Variants in TSNARE1 observed in about 807,000 individuals in gnomAD.
TSNARE1 encodes t-SNARE domain-containing protein 1.
TSNARE1 carries 49 observed loss-of-function variants against 62.0 expected under a neutral mutation model. That is an observed-to-expected ratio of 0.79 (90% CI 0.63 to 1.00). The LOEUF (loss-of-function observed/expected upper bound fraction) is 1.00. Ranked by LOEUF, TSNARE1 falls within the 50% of genes least tolerant of loss-of-function variation. TSNARE1 has a pLI of 0.00. For missense variants in TSNARE1, 755 were observed against 700.1 expected (o/e 1.08, Z -0.88); for synonymous variants, 328 against 294.4 (o/e 1.11, Z -1.17).
rs916585240 is a variant in TSNARE1 at position 142,319,224 on chromosome 8, C to T, written c.894-590G>A. Among the ~76,000 whole-genome samples, 3 of 152,102 alleles carry T rather than the reference C, an allele frequency of 2.0e-5. No homozygotes were observed. The highest frequency in any genetic ancestry group is 6.5e-5 in the Admixed American group (1 of 15,278). On this transcript the variant is annotated intron_variant, in intron 6 of 13. Transcript: ENST00000524325. This position sits in a 1 kb window ranked among gnomAD's most constrained non-coding sequence, Gnocchi z 4.9. ...CACGAGCCCTCCCTGCAGAAAGGCCCGTCTCGGGGTCAGCTCCCCTCGGAA... is the reference window on the plus strand; with the variant it reads ...CACGAGCCCTCCCTGCAGAAAGGCCTGTCTCGGGGTCAGCTCCCCTCGGAA...
chr8:142,382,681 T>C (rs948702288), intron 1 of TSNARE1, among the ~76,000 whole-genome samples: 2 of 152,196 alleles, frequency 1.3e-5, no homozygotes, highest in Admixed American at 1.3e-4. Flanking sequence ...ATGGGCCCCA[T>C]CCACTCAGGC....
intron 12 of TSNARE1, chr8:142,270,955 T>C (rs930878344): frequency 1.0e-6 from 1 of 985,368 alleles, no homozygotes; most frequent in Non-Finnish European, 1.2e-6. Flanking sequence ...ATCCTTCCGG[T>C]CTCCTGGACT....
intron 4 of TSNARE1, among the ~76,000 whole-genome samples, chr8:142,342,438 C>A (rs1239438541): frequency 1.3e-5 from 2 of 152,218 alleles, no homozygotes; most frequent in Non-Finnish European, 2.9e-5. Flanking sequence ...GGGGGCAGAT[C>A]CCAGCCAATG....
Position 142,274,053 on chromosome 8 carries a change from C to T in TSNARE1, c.1446+728G>A, listed in dbSNP as rs540648304. On this transcript the variant is annotated intron_variant, in intron 12 of 13. Transcript: ENST00000524325. ...GGCCCAGGGGCTTCTTCTGCGCTCC[C>T]ACCGTGGCCCATGCCACCCTCACCT... The T allele has an allele frequency of 3.0e-6, 3 of 985,234 alleles. No individual in the cohort carries two copies. In the East Asian group the frequency reaches 3.4e-4, roughly 112 times the overall value. The allele number at this position is 985,234 out of a possible 1,614,324, so 61.0% of individuals were successfully genotyped here. A position where few individuals can be genotyped will look rare whatever the true frequency, so the allele number is the denominator to read the frequency against.
intron 10 of TSNARE1, among the ~76,000 whole-genome samples, chr8:142,293,942 T>C (rs1365756041): frequency 6.6e-6 from 1 of 152,188 alleles, no homozygotes; most frequent in Non-Finnish European, 1.5e-5. Flanking sequence ...ACAGCCACCC[T>C]ATTCTTTATC....
chr8:142,218,652 G>A (rs1586749201), intron 13 of TSNARE1, among the ~76,000 whole-genome samples: 3 of 152,258 alleles, frequency 2.0e-5, no homozygotes, highest in South Asian at 2.1e-4. Flanking sequence ...CCCACAGGCC[G>A]ACACCCGACA....
intron 11 of TSNARE1, chr8:142,275,120 AG>A (rs1295265487): frequency 6.1e-6 from 6 of 985,302 alleles, no homozygotes; most frequent in Non-Finnish European, 7.2e-6. Context: ...CAGGTGGGGC[AG>A]GAAGAGTCCA....
intron 12 of TSNARE1, among the ~76,000 whole-genome samples, chr8:142,246,180 C>A (rs1008090105): frequency 3.3e-5 from 5 of 152,138 alleles, no homozygotes; most frequent in African/African-American, 1.2e-4. Context: ...GGCCTGTCCT[C>A]AGTGGCCAGC....
intron 4 of TSNARE1, among the ~76,000 whole-genome samples, chr8:142,341,518 C>A (rs946248862): frequency 6.6e-6 from 1 of 152,194 alleles, no homozygotes; most frequent in Non-Finnish European, 1.5e-5. Context: ...AGCCTCCAAC[C>A]CGAAGCAGAG....
At chr8:142,342,723 G>A (rs1275104118) in intron 4 of TSNARE1, among the ~76,000 whole-genome samples, 5 of 151,400 alleles carry the variant, frequency 3.3e-5, no homozygotes, top group African/African-American at 7.3e-5. Flanking sequence ...CAGACGCCAT[G>A]CCTACGCCCT....
intron 9 of TSNARE1, among the ~76,000 whole-genome samples, chr8:142,311,835 T>C (rs2131560629): frequency 6.6e-6 from 1 of 152,074 alleles, no homozygotes; most frequent in African/African-American, 2.4e-5. Flanking sequence ...CCAATCCTTT[T>C]TTCTGCTTTG....
intron 10 of TSNARE1, among the ~76,000 whole-genome samples, chr8:142,298,353 T>C (rs1454560724): frequency 6.6e-6 from 1 of 152,030 alleles, no homozygotes; most frequent in East Asian, 1.9e-4. Context: ...ACACAGAGGA[T>C]CGCGGACGGG....
At chr8:142,370,476 G>A (rs1247953976) in intron 1 of TSNARE1, among the ~76,000 whole-genome samples, 1 of 152,172 alleles carries the variant, frequency 6.6e-6, no homozygotes, top group Non-Finnish European at 1.5e-5. Context: ...GCAGGCTGAG[G>A]TGGGAGGATC....
chr8:142,367,036 G>T (rs1835597553), intron 1 of TSNARE1, among the ~76,000 whole-genome samples: 1 of 150,344 alleles, frequency 6.7e-6, no homozygotes, highest in Admixed American at 6.6e-5. Flanking sequence ...GAAAAATATA[G>T]TATACCTAGG....
chr8:142,286,676 C>T (rs1374875270), intron 10 of TSNARE1, among the ~76,000 whole-genome samples: 4 of 152,212 alleles, frequency 2.6e-5, no homozygotes, highest in African/African-American at 9.7e-5. Flanking sequence ...GAGACCAAGC[C>T]TAGGCTCCAT....
intron 13 of TSNARE1, among the ~76,000 whole-genome samples, chr8:142,222,121 T>TCATTCAC: frequency 9.3e-6 from 1 of 107,438 alleles, no homozygotes; most frequent in East Asian, 3.2e-4. Context: ...CATCCACTCA[T>TCATTCAC]TCACTCACTC....
In TSNARE1 at chr8:142,390,634, G is replaced by T. The variant is rs74553129; in HGVS notation, c.-40+12470C>A. 3.8e-4 allele frequency among the ~76,000 whole-genome samples: 7 copies of T among 18,590 alleles called. 1 individual carries two copies. Among genetic ancestry groups the T allele is most frequent in the Admixed American group, 8.9e-4 (2 of 2,248 alleles). The allele number at this position is 18,590 out of a possible 152,430, so 12.2% of individuals were successfully genotyped here. A position where few individuals can be genotyped will look rare whatever the true frequency, so the allele number is the denominator to read the frequency against. ...CTCCATAGCAGACGCTGTACACTGC[G>T]GGGGACTCTGTAACAGAAGCTGTAC... On this transcript the variant is annotated intron_variant, in intron 1 of 13. Transcript: ENST00000524325.
intron 1 of TSNARE1, among the ~76,000 whole-genome samples, chr8:142,400,172 A>C (rs1376969317): frequency 6.6e-6 from 1 of 151,928 alleles, no homozygotes; most frequent in East Asian, 1.9e-4. Context: ...GGCTGGGCAC[A>C]GTGGCTCACG....
At position 142,337,253 on chromosome 8, in the gene TSNARE1, T is replaced by C. The variant is rs575538503; in HGVS notation, c.746-5422A>G. 1.6e-4 allele frequency among the ~76,000 whole-genome samples: 25 copies of C among 152,358 alleles called. No homozygotes were observed. The South Asian group carries it at 2.3e-3, about 14-fold the overall frequency. On this transcript the variant is annotated intron_variant, in intron 4 of 13. Transcript: ENST00000524325. Reference sequence around the variant, plus strand: ...ATAAAATTATTCAGATCAAGATTAATTGATCTTGATCTTAATTAATTGGGC... The same window carrying C: ...ATAAAATTATTCAGATCAAGATTAACTGATCTTGATCTTAATTAATTGGGC...
Sources: gnomAD v4.1 joint callset for allele counts (sites outside exome capture counted in the v4.1 genomes callset) on GRCh38, gnomAD v4.1.1 for gene constraint, Gnocchi (gnomAD v3.1) non-coding constraint, MANE v1.5 for transcripts, NCBI Gene and HGNC (gene_info 2026-07-23, HGNC 2026-07-21) for gene names.